NFATC2: variants seen among roughly 807,000 people sequenced by gnomAD.
NFATC2 encodes the protein nuclear factor of activated T cells 2, also known as nuclear factor of activated T-cells, cytoplasmic 2.
In NFATC2, 22 loss-of-function variants were observed where a neutral mutation model predicts 87.3. The observed-to-expected ratio is 0.25, with a 90% CI of 0.18 to 0.36. The LOEUF (loss-of-function observed/expected upper bound fraction) is 0.36, where lower values mean the gene tolerates loss of function less well. Among genes scored for constraint, NFATC2 ranks in the 10% least tolerant of loss-of-function variants. The pLI is 1.00. For synonymous variants in NFATC2, 565 were observed against 542.2 expected (o/e 1.04, Z -0.58); for missense variants, 1,149 against 1,259.1 (o/e 0.91, Z 1.32).
chr20:51,490,274 G>A (rs567528795), intron 3 of NFATC2, among the ~76,000 whole-genome samples: 1 of 152,302 alleles, frequency 6.6e-6, no homozygotes, highest in South Asian at 2.1e-4. Flanking sequence ...AAACAAGAGG[G>A]AACTGAGGCT....
At chr20:51,477,544 T>TAC (rs1296486828) in intron 3 of NFATC2, among the ~76,000 whole-genome samples, 4 of 76,476 alleles carry the variant, frequency 5.2e-5, no homozygotes, top group African/African-American at 3.8e-4. Flanking sequence ...TCTATATATA[T>TAC]ATATATATAT....
chr20:51,440,031 G>A (rs2146368782), intron 6 of NFATC2, among the ~76,000 whole-genome samples: 1 of 152,262 alleles, frequency 6.6e-6, no homozygotes, highest in African/African-American at 2.4e-5. Flanking sequence ...GAGGTCAAGA[G>A]TTTGGGACTA....
chr20:51,527,989 A>G (rs2076571959), intron 1 of NFATC2, among the ~76,000 whole-genome samples: 1 of 151,396 alleles, frequency 6.6e-6, no homozygotes. Flanking sequence ...CTGTAGTCCC[A>G]GCCACTGGAG....
intron 1 of NFATC2, among the ~76,000 whole-genome samples, chr20:51,534,460 T>C (rs1406035143): frequency 2.0e-5 from 3 of 152,094 alleles, no homozygotes; most frequent in African/African-American, 7.2e-5. Context: ...TCAGCCTCCC[T>C]AGTAGCTGGA....
chr20:51,422,606 G>A (rs3746421), intron 9 of NFATC2, among the ~76,000 whole-genome samples: 18,569 of 145,002 alleles, frequency 0.13, 3,490 homozygotes, highest in African/African-American at 0.41. Context: ...GGAAACTAAA[G>A]GAAAATTGGT....
chr20:51,412,026 C>T (rs907592577), intron 9 of NFATC2, among the ~76,000 whole-genome samples: 1 of 152,104 alleles, frequency 6.6e-6, no homozygotes, highest in Non-Finnish European at 1.5e-5. Flanking sequence ...AAATTCAAGG[C>T]CCCCATAGGA....
chr20:51,542,669 G>A lies in NFATC2; in HGVS notation c.-170C>T. On this transcript the variant is annotated 5_prime_UTR_variant, in exon 1 of 11. Transcript: ENST00000371564. ...GCGCCTGGCGCAGCGGGTCCTGGACGCGCCCGGGGAAGCTGAGCGGCGGCG... is the reference window on the plus strand; with the variant it reads ...GCGCCTGGCGCAGCGGGTCCTGGACACGCCCGGGGAAGCTGAGCGGCGGCG... The A allele has an allele frequency of 8.7e-7, 1 of 1,155,420 alleles. No individual in the cohort carries two copies. The highest frequency in any genetic ancestry group is 4.3e-5 in the South Asian group (1 of 23,446). The allele number at this position is 1,155,420 out of a possible 1,614,324, so 71.6% of individuals were successfully genotyped here.
intron 3 of NFATC2, among the ~76,000 whole-genome samples, chr20:51,505,457 G>GTATATATA (rs572264759): frequency 1.3e-4 from 20 of 150,580 alleles, no homozygotes; most frequent in African/African-American, 4.6e-4. Context: ...GTGTAGGTGT[G>GTATATATA]TGTATATATA....
In NFATC2 at chr20:51,432,697, T is replaced by C. The variant is rs1600719678; in HGVS notation, c.2092A>G (p.Thr698Ala). Residue 698 changes from threonine to alanine, a missense_variant, in exon 9 of 11, where the codon ACC becomes GCC. Transcript: ENST00000371564. This position sits in a 1 kb window ranked among gnomAD's most constrained non-coding sequence, Gnocchi z 4.6. The stretch of plus-strand genomic sequence containing the variant: ...GGCTGGCTCCCCAGGCCTCCATGGG[T>C]GGGGCTGCAGATCAGAGTGGGGTCA... The part of the protein sequence containing the change: ...EYDPTLICSP[T>A]HGGLGSQPYY... The C allele has an allele frequency of 1.3e-6, 2 of 1,582,388 alleles. No homozygotes were observed. Among genetic ancestry groups the C allele is most frequent in the Non-Finnish European group, 8.5e-7 (1 of 1,171,648 alleles).
rs116606428 is a variant in NFATC2, at chr20:51,503,254, A to G, written c.1332+13530T>C. Among the ~76,000 whole-genome samples the G allele has an allele frequency of 7.9e-3, 1,204 of 152,310 alleles. 18 individuals carry two copies. The highest frequency in any genetic ancestry group is 0.027 in the African/African-American group (1,137 of 41,568). On this transcript the variant is annotated intron_variant, in intron 3 of 10. Coordinates refer to ENST00000371564, the MANE Select transcript of NFATC2 (RefSeq NM_012340.5). Reference sequence around the variant, plus strand: ...ATGTGAATGCATTTCCCCAAAATCAATTTATGAAAGAAACTAGAGCAGTTT... The same window carrying G: ...ATGTGAATGCATTTCCCCAAAATCAGTTTATGAAAGAAACTAGAGCAGTTT...
chr20:51,411,828 T>C (rs1979307491), intron 9 of NFATC2, among the ~76,000 whole-genome samples: 2 of 152,148 alleles, frequency 1.3e-5, no homozygotes, highest in South Asian at 2.1e-4. Context: ...GCGCCTGGCC[T>C]GAAGCAATGC....
chr20:51,542,877 C>T (rs1193321446), upstream of NFATC2, among the ~76,000 whole-genome samples: 1 of 151,710 alleles, frequency 6.6e-6, no homozygotes, highest in Non-Finnish European at 1.5e-5. Flanking sequence ...GGAGGCTGTC[C>T]GCGGACCTGA....
Position 51,523,021 on chromosome 20 carries a change from C to G in NFATC2, c.1160+60G>C. ...CTGACTCTGAATCCCATGCTCATAA[C>G]CAGAAAACCATCTCTTAAAACTAAA... is the stretch of plus-strand genomic sequence containing the variant. On this transcript the variant is annotated intron_variant, in intron 2 of 10. Coordinates refer to ENST00000371564, the MANE Select transcript of NFATC2 (RefSeq NM_012340.5). The surrounding 1 kb of genome is among the most constrained non-coding windows in gnomAD (Gnocchi z 6.9). The G allele has an allele frequency of 1.2e-6, 2 of 1,602,344 alleles. No individual in the cohort carries two copies. The highest frequency in any genetic ancestry group is 1.7e-6 in the Non-Finnish European group (2 of 1,176,088).
intron 6 of NFATC2, among the ~76,000 whole-genome samples, chr20:51,449,623 C>T (rs182749857): frequency 5.9e-5 from 9 of 152,294 alleles, no homozygotes; most frequent in Non-Finnish European, 1.0e-4. Context: ...AGGGTCTTCA[C>T]GCAAAATTAA....
chr20:51,511,529 C>A (rs972803634), intron 3 of NFATC2, among the ~76,000 whole-genome samples: 5 of 152,240 alleles, frequency 3.3e-5, no homozygotes, highest in Non-Finnish European at 7.3e-5. Flanking sequence ...CCCTTTGTAC[C>A]TTCTATGCCC....
In NFATC2 at chr20:51,487,834, C is replaced by T. The variant is rs775084365; in HGVS notation, c.1333-12174G>A. Among the ~76,000 whole-genome samples the T allele has an allele frequency of 3.3e-5, 5 of 151,980 alleles. No homozygotes were observed. The South Asian group carries it at 6.2e-4, about 19-fold the overall frequency. ...GGAAAAAAAAAAAGGAGAAGGCAGA[C>T]GTGATGTGTACCTTTCCACACTCTA... On this transcript the variant is annotated intron_variant, in intron 3 of 10. Transcript: ENST00000371564.
At chr20:51,463,681 T>C (rs1018208955) in intron 5 of NFATC2, among the ~76,000 whole-genome samples, 2 of 152,174 alleles carry the variant, frequency 1.3e-5, no homozygotes, top group African/African-American at 4.8e-5. Flanking sequence ...CTGCAGCAAG[T>C]CACTCATCCT....
At chr20:51,537,471 G>A (rs866579168) in intron 1 of NFATC2, among the ~76,000 whole-genome samples, 3 of 152,138 alleles carry the variant, frequency 2.0e-5, no homozygotes, top group Non-Finnish European at 2.9e-5. Flanking sequence ...CTGAAAGGCC[G>A]AAGTTGGTAT....
At chr20:51,467,958 T>C (rs550876944) in intron 5 of NFATC2, among the ~76,000 whole-genome samples, 3 of 152,304 alleles carry the variant, frequency 2.0e-5, no homozygotes, top group African/African-American at 7.2e-5. Context: ...ATTCATGCAA[T>C]TGAATAGTAG....
Sources: allele counts gnomAD v4.1 joint callset (sites outside exome capture counted in the v4.1 genomes callset), GRCh38; gene constraint gnomAD v4.1.1; non-coding constraint Gnocchi (gnomAD v3.1); transcripts MANE v1.5; gene names NCBI Gene and HGNC (gene_info 2026-07-23, HGNC 2026-07-21).